Variants in SLC30A6 observed in about 807,000 individuals in gnomAD.
SLC30A6 encodes zinc transporter 6.
A neutral mutation model predicts 63.0 loss-of-function variants in SLC30A6; 55 were observed. The observed-to-expected ratio is 0.87, with a 90% CI of 0.70 to 1.09. The LOEUF is 1.09. Ranked by LOEUF, SLC30A6 falls within the 50% of genes least tolerant of loss-of-function variation. SLC30A6 has a pLI of 0.00. For missense variants in SLC30A6, 587 were observed against 549.2 expected, an observed-to-expected ratio of 1.07 and a Z score of -0.69; for synonymous variants, 224 against 186.1, an observed-to-expected ratio of 1.20 and a Z score of -1.66.
intron 5 of SLC30A6, among the ~76,000 whole-genome samples, chr2:32,186,733 C>T (rs917093388): frequency 4.6e-5 from 7 of 151,016 alleles, no homozygotes; most frequent in Non-Finnish European, 8.8e-5. Context: ...TGCAGTGGCT[C>T]ATGCCTGTAA....
intron 2 of SLC30A6, 73 bp from the exon 3 acceptor site, chr2:32,173,990 A>G (rs1355947995): frequency 8.7e-7 from 1 of 1,143,176 alleles, no homozygotes. Context: ...CAGAGTATAA[A>G]TTGTAGCAAC....
intron 13 of SLC30A6, among the ~76,000 whole-genome samples, chr2:32,218,898 T>G (rs1017705258): frequency 6.6e-6 from 1 of 152,218 alleles, no homozygotes; most frequent in African/African-American, 2.4e-5. Flanking sequence ...GTTTTTTTCC[T>G]ACCTGATTTC....
At chr2:32,187,537 C>G (rs1156533289) in intron 5 of SLC30A6, among the ~76,000 whole-genome samples, 1 of 152,138 alleles carries the variant, frequency 6.6e-6, no homozygotes, top group Non-Finnish European at 1.5e-5. Context: ...GTTAAACACT[C>G]AAATATATTT....
At position 32,179,417 on chromosome 2, in the gene SLC30A6, GTA is replaced by G. The variant is rs1361930863; in HGVS notation, c.218+4062_218+4063del. Among the ~76,000 whole-genome samples, 10 of 152,260 alleles carry G rather than the reference GTA, an allele frequency of 6.6e-5. No homozygotes were observed. In the South Asian group the frequency reaches 2.1e-3, roughly 32 times the overall value. On this transcript the variant is annotated intron_variant, in intron 4 of 13. Coordinates refer to ENST00000282587, the MANE Select transcript of SLC30A6 (RefSeq NM_017964.5). ...GCATGTATACCCCATATTTTGGTATGTATATATCATAGAATTCTCAAACTTGA... is the reference window on the plus strand; with the variant it reads ...GCATGTATACCCCATATTTTGGTATGTATATCATAGAATTCTCAAACTTGA...
rs1686264772 is a variant in SLC30A6 at position 32,223,722 on chromosome 2, CT to C, written c.*3010del. The C allele has an allele frequency of 6.6e-6, 1 of 152,116 alleles. No homozygotes were observed. The highest frequency in any genetic ancestry group is 1.5e-5 in the Non-Finnish European group (1 of 68,028). The allele number at this position is 152,116 out of a possible 1,614,324, so 9.4% of individuals were successfully genotyped here. A position where few individuals can be genotyped will look rare whatever the true frequency, so the allele number is the denominator to read the frequency against. ...TTTTGTGTTTTTTTCAGGCTTGCCT[CT>C]ACTTAAATATATTTAGATGAGAGAG... On this transcript the variant is annotated 3_prime_UTR_variant, in exon 14 of 14. Transcript: ENST00000282587.
At chr2:32,213,319 T>C (rs961314200) in intron 13 of SLC30A6, among the ~76,000 whole-genome samples, 1 of 118,502 alleles carries the variant, frequency 8.4e-6, no homozygotes, top group Non-Finnish European at 1.8e-5. Flanking sequence ...TTTTTTTTTT[T>C]GGAGGGGAGC....
Position 32,224,353 on chromosome 2 carries a change from C to T in SLC30A6, c.*3640C>T. 1.5e-6 allele frequency: 1 copy of T among 683,582 alleles called. No individual in the cohort carries two copies. The highest frequency in any genetic ancestry group is 2.1e-5 in the South Asian group (1 of 47,442). The allele number at this position is 683,582 out of a possible 1,614,324, so 42.3% of individuals were successfully genotyped here. On this transcript the variant is annotated 3_prime_UTR_variant, in exon 14 of 14. Coordinates refer to ENST00000282587, the MANE Select transcript of SLC30A6 (RefSeq NM_017964.5). ...AAAACTGTTGCATGTTTTTAATCAT[C>T]AAATTAAACTTCTTTCCACGTCCTT...
chr2:32,191,337 A>T (rs796428067), intron 5 of SLC30A6, among the ~76,000 whole-genome samples: 73 of 152,266 alleles, frequency 4.8e-4, no homozygotes, highest in African/African-American at 1.7e-3. Flanking sequence ...GTTTAACAAT[A>T]TATAATGTTC....
chr2:32,197,960 C>T, intron 10 of SLC30A6, 134 bp downstream of exon 10: 5 of 1,030,732 alleles, frequency 4.9e-6, no homozygotes, highest in Non-Finnish European at 5.5e-6. Flanking sequence ...CACATCTTTT[C>T]CTTAGGTGTC....
At chr2:32,190,746 TC>T (rs1444513119) in intron 5 of SLC30A6, among the ~76,000 whole-genome samples, 1 of 152,246 alleles carries the variant, frequency 6.6e-6, no homozygotes, top group South Asian at 2.1e-4. Context: ...TGCCTCAGCC[TC>T]CCAGGCAGCT....
At chr2:32,190,564 T>C (rs1230413884) in intron 5 of SLC30A6, among the ~76,000 whole-genome samples, 1 of 152,188 alleles carries the variant, frequency 6.6e-6, no homozygotes, top group Non-Finnish European at 1.5e-5. Flanking sequence ...AGACACTTTG[T>C]TCTGTTATCA....
chr2:32,213,437 A>T (rs1194955235), intron 13 of SLC30A6, among the ~76,000 whole-genome samples: 1 of 151,440 alleles, frequency 6.6e-6, no homozygotes, highest in Non-Finnish European at 1.5e-5. Flanking sequence ...TCCCAGTTGC[A>T]GCTGCTTTTC....
At chr2:32,210,280 GGC>G (rs1685140097) in intron 13 of SLC30A6, among the ~76,000 whole-genome samples, 3 of 152,094 alleles carry the variant, frequency 2.0e-5, no homozygotes, top group Admixed American at 1.3e-4. Context: ...GGGAAGCCGA[GGC>G]GGGCAGATCA....
intron 4 of SLC30A6, among the ~76,000 whole-genome samples, chr2:32,180,725 G>A (rs541170039): frequency 3.3e-5 from 5 of 152,166 alleles, no homozygotes; most frequent in Admixed American, 6.6e-5. Context: ...GAACCACCGC[G>A]CTCAGCCCAT....
intron 13 of SLC30A6, among the ~76,000 whole-genome samples, chr2:32,216,496 A>G (rs1473731947): frequency 6.6e-6 from 1 of 151,910 alleles, no homozygotes; most frequent in Admixed American, 6.6e-5. Flanking sequence ...ACATTGCGCC[A>G]CTGCACTCCA....
At chr2:32,216,533 CAAAATAAATAAA>C (rs1558430011) in intron 13 of SLC30A6, among the ~76,000 whole-genome samples, 2 of 112,426 alleles carry the variant, frequency 1.8e-5, no homozygotes, top group Admixed American at 1.0e-4. Context: ...AAGACTCTCT[CAAAATAAATAAA>C]TAAATAAATA....
At position 32,193,792 on chromosome 2, in the gene SLC30A6, T is replaced by G; in HGVS notation, c.402-97T>G. 1.1e-5 allele frequency: 10 copies of G among 932,334 alleles called. No homozygotes were observed. In the South Asian group the frequency reaches 1.5e-4, roughly 14 times the overall value. The allele number at this position is 932,334 out of a possible 1,614,324, so 57.8% of individuals were successfully genotyped here. ...ACACCAAATCATTAAAGCAGACCAC[T>G]TTACCTTCCCACCTCTTAGTCCCTC... On this transcript the variant is annotated intron_variant, in intron 7 of 13. Coordinates refer to ENST00000282587, the MANE Select transcript of SLC30A6 (RefSeq NM_017964.5).
At chr2:32,188,709 A>G (rs1429202108) in intron 5 of SLC30A6, among the ~76,000 whole-genome samples, 1 of 152,170 alleles carries the variant, frequency 6.6e-6, no homozygotes, top group East Asian at 1.9e-4. Context: ...ATTTCATAGA[A>G]GTAGGGACCC....
chr2:32,173,107 C>T (rs527607203), intron 2 of SLC30A6, among the ~76,000 whole-genome samples: 6 of 152,134 alleles, frequency 3.9e-5, no homozygotes, highest in Non-Finnish European at 5.9e-5. Context: ...TTTCTTGCAT[C>T]GTAATTACAT....
Sources: gnomAD v4.1 joint callset for allele counts (sites outside exome capture counted in the v4.1 genomes callset) on GRCh38, gnomAD v4.1.1 for gene constraint, MANE v1.5 for transcripts, NCBI Gene and HGNC (gene_info 2026-07-23, HGNC 2026-07-21) for gene names.